CNTN5: variants seen among roughly 807,000 people sequenced by gnomAD.
CNTN5 encodes the protein contactin 5, also known as contactin-5.
CNTN5 carries 77 observed loss-of-function variants against 129.1 expected under a neutral mutation model. That is an observed-to-expected ratio of 0.60 (90% CI 0.50 to 0.72). The LOEUF is 0.72. Among genes scored for constraint, CNTN5 ranks in the 30% least tolerant of loss-of-function variants. The pLI is 0.00. For missense variants in CNTN5, 1,478 were observed against 1,328.8 expected, an observed-to-expected ratio of 1.11 and a Z score of -1.75; for synonymous variants, 509 against 465.6, an observed-to-expected ratio of 1.09 and a Z score of -1.20.
chr11:100,053,555 A>C (rs941735439), intron 9 of CNTN5, among the ~76,000 whole-genome samples: 5 of 151,778 alleles, frequency 3.3e-5, no homozygotes, highest in African/African-American at 9.7e-5. Flanking sequence ...GACTAAAATT[A>C]AATGATTGAC....
At chr11:99,342,954 A>T (rs1357971803) in intron 2 of CNTN5, among the ~76,000 whole-genome samples, 1 of 152,170 alleles carries the variant, frequency 6.6e-6, no homozygotes, top group African/African-American at 2.4e-5. Context: ...AAAAAAACTG[A>T]GATATACAAA....
rs758920910 is a variant in CNTN5, at chr11:100,193,452, T to A, written c.1709-36T>A. ...ATATTATGTATGGTAACACAACAGG[T>A]TGATTATCTTAATTAACGTATTTTT... On this transcript the variant is annotated intron_variant, in intron 14 of 24. Transcript: ENST00000524871. 9 of 1,296,646 alleles carry A rather than the reference T, an allele frequency of 6.9e-6. No individual in the cohort carries two copies. The East Asian group carries it at 2.3e-4, about 33-fold the overall frequency. The allele number at this position is 1,296,646 out of a possible 1,614,324, so 80.3% of individuals were successfully genotyped here. A position where few individuals can be genotyped will look rare whatever the true frequency, so the allele number is the denominator to read the frequency against.
chr11:99,998,366 C>G, intron 8 of CNTN5, among the ~76,000 whole-genome samples: 1 of 139,250 alleles, frequency 7.2e-6, no homozygotes, highest in East Asian at 2.1e-4. Flanking sequence ...CAATAACAGA[C>G]AAACAGAGAG....
intron 13 of CNTN5, among the ~76,000 whole-genome samples, chr11:100,176,242 A>T: frequency 6.6e-6 from 1 of 151,944 alleles, no homozygotes; most frequent in Non-Finnish European, 1.5e-5. Context: ...CTGGTCACAA[A>T]CTCCTGACCT....
intron 3 of CNTN5, among the ~76,000 whole-genome samples, chr11:99,754,060 A>T (rs1275606910): frequency 6.6e-6 from 1 of 152,044 alleles, no homozygotes; most frequent in Non-Finnish European, 1.5e-5. Flanking sequence ...TATGTGTGAC[A>T]GTCTGAGGGT....
chr11:99,976,508 C>G (rs940985270), intron 8 of CNTN5, among the ~76,000 whole-genome samples: 1 of 152,202 alleles, frequency 6.6e-6, no homozygotes, highest in Non-Finnish European at 1.5e-5. Flanking sequence ...TCTAAGCCTC[C>G]TCTGAAATCT....
chr11:99,472,555 TC>T (rs1945216343), intron 2 of CNTN5, among the ~76,000 whole-genome samples: 1 of 152,230 alleles, frequency 6.6e-6, no homozygotes, highest in Non-Finnish European at 1.5e-5. Context: ...CGTGAATACT[TC>T]CTGTGAAGTT....
At chr11:99,274,083 G>C (rs1482567201) in intron 1 of CNTN5, among the ~76,000 whole-genome samples, 1 of 151,726 alleles carries the variant, frequency 6.6e-6, no homozygotes. Context: ...GTAGCCACAC[G>C]TAGCTAGTGG....
intron 1 of CNTN5, among the ~76,000 whole-genome samples, chr11:99,225,264 C>T (rs1860620007): frequency 6.6e-6 from 1 of 152,000 alleles, no homozygotes; most frequent in Non-Finnish European, 1.5e-5. Context: ...CTCCGTGTGA[C>T]AATGTGAAGC....
At chr11:99,279,853 A>G (rs1040547798) in intron 1 of CNTN5, among the ~76,000 whole-genome samples, 3 of 151,740 alleles carry the variant, frequency 2.0e-5, no homozygotes, top group Admixed American at 1.3e-4. Flanking sequence ...ATCAGTAATT[A>G]CAGGTGGCTC....
intron 15 of CNTN5, among the ~76,000 whole-genome samples, chr11:100,212,803 A>G (rs960274136): frequency 3.3e-5 from 5 of 152,156 alleles, no homozygotes; most frequent in African/African-American, 9.6e-5. Flanking sequence ...AAATCATGAA[A>G]TGATCTAAAA....
intron 3 of CNTN5, among the ~76,000 whole-genome samples, chr11:99,644,823 T>C (rs1326710991): frequency 6.6e-6 from 1 of 152,162 alleles, no homozygotes; most frequent in African/African-American, 2.4e-5. Context: ...AAAGGAACTA[T>C]ACAACAGGAT....
chr11:99,799,053 T>C (rs889186970), intron 3 of CNTN5, among the ~76,000 whole-genome samples: 2 of 152,124 alleles, frequency 1.3e-5, no homozygotes, highest in African/African-American at 4.8e-5. Context: ...GTTCTTGTTA[T>C]GGTCTTAGCT....
At chr11:99,147,236 G>A (rs938259621) in intron 1 of CNTN5, among the ~76,000 whole-genome samples, 2 of 152,138 alleles carry the variant, frequency 1.3e-5, no homozygotes, top group African/African-American at 4.8e-5. Flanking sequence ...ATGTAAGTAT[G>A]ATGATTAAGG....
chr11:99,894,265 T>C (rs1949140014), intron 6 of CNTN5, among the ~76,000 whole-genome samples: 1 of 152,106 alleles, frequency 6.6e-6, no homozygotes, highest in African/African-American at 2.4e-5. Context: ...ATCTTTCTCG[T>C]CCTCACTTTC....
At chr11:100,162,677 C>A (rs758708256) in intron 13 of CNTN5, among the ~76,000 whole-genome samples, 3 of 151,772 alleles carry the variant, frequency 2.0e-5, no homozygotes, top group African/African-American at 4.8e-5. Context: ...TCAGGAACAT[C>A]AAAAATGTGG....
chr11:99,460,590 A>G (rs1036640323), intron 2 of CNTN5, among the ~76,000 whole-genome samples: 1 of 152,024 alleles, frequency 6.6e-6, no homozygotes, highest in African/African-American at 2.4e-5. Context: ...GAGAAAGAAG[A>G]ATTAGAAGGT....
chr11:100,160,129 T>G (rs1947395266), intron 13 of CNTN5, among the ~76,000 whole-genome samples: 1 of 151,914 alleles, frequency 6.6e-6, no homozygotes, highest in South Asian at 2.1e-4. Context: ...TGTCCATGTG[T>G]TCTCATTGTT....
At chr11:100,023,226 C>T (rs1231620500) in intron 9 of CNTN5, among the ~76,000 whole-genome samples, 2 of 152,162 alleles carry the variant, frequency 1.3e-5, no homozygotes, top group African/African-American at 4.8e-5. Context: ...TTGATAGATT[C>T]TATTGCTGTA....
Sources: allele counts gnomAD v4.1 joint callset (sites outside exome capture counted in the v4.1 genomes callset), GRCh38; gene constraint gnomAD v4.1.1; transcripts MANE v1.5; gene names NCBI Gene and HGNC (gene_info 2026-07-23, HGNC 2026-07-21).